HECW1: variants seen among roughly 807,000 people sequenced by gnomAD.
HECW1 encodes the protein E3 ubiquitin-protein ligase HECW1.
A neutral mutation model predicts 182.3 loss-of-function variants in HECW1; 61 were observed. The ratio of observed to expected loss-of-function variants is 0.33; its 90% confidence interval spans 0.27 to 0.41. HECW1 has a LOEUF of 0.41. HECW1 is among the 10% of genes least tolerant of loss of function. The pLI, the probability that HECW1 is intolerant of heterozygous loss-of-function variation, is 1.00. For synonymous variants in HECW1, 859 were observed against 832.6 expected, an observed-to-expected ratio of 1.03 and a Z score of -0.55; for missense variants, 1,739 against 2,108.9, an observed-to-expected ratio of 0.82 and a Z score of 3.44.
At chr7:43,500,850 C>G (rs933484179) in intron 20 of HECW1, 68 bp downstream of exon 20, 2 of 1,298,080 alleles carry the variant, frequency 1.5e-6, no homozygotes, top group African/African-American at 2.9e-5. Context: ...TCACGGCCAC[C>G]CTGAAAATGG....
At chr7:43,221,753 C>T (rs1796993914) in intron 2 of HECW1, among the ~76,000 whole-genome samples, 1 of 151,740 alleles carries the variant, frequency 6.6e-6, no homozygotes, top group African/African-American at 2.4e-5. Context: ...CAGGGTTTCA[C>T]CGTATTAGCC....
chr7:43,258,464 G>A (rs954580614), intron 3 of HECW1: 3 of 152,170 alleles, frequency 2.0e-5, no homozygotes, highest in Non-Finnish European at 4.4e-5. Flanking sequence ...TTCTAGTGTA[G>A]CGTGCCAATA....
At chr7:43,353,254 C>T (rs957879121) in intron 5 of HECW1, among the ~76,000 whole-genome samples, 2 of 152,002 alleles carry the variant, frequency 1.3e-5, no homozygotes, top group Non-Finnish European at 2.9e-5. Flanking sequence ...GATTTAATAT[C>T]CCTTTTCAGC....
At chr7:43,556,450 G>T (rs368367901) in intron 29 of HECW1, among the ~76,000 whole-genome samples, 4 of 152,320 alleles carry the variant, frequency 2.6e-5, no homozygotes, top group African/African-American at 9.6e-5. Flanking sequence ...ACTGTGGGAG[G>T]CTAAGGCAGG....
At chr7:43,437,055 A>G (rs568381522) in intron 8 of HECW1, among the ~76,000 whole-genome samples, 81 of 152,258 alleles carry the variant, frequency 5.3e-4, no homozygotes, top group Non-Finnish European at 9.9e-4. Context: ...TTAGAATCAA[A>G]TGAAGTAAAA....
intron 3 of HECW1, among the ~76,000 whole-genome samples, chr7:43,262,225 A>AAT (rs950920145): frequency 1.9e-4 from 27 of 142,336 alleles, no homozygotes; most frequent in African/African-American, 6.4e-4. Flanking sequence ...TGTCTCAAAA[A>AAT]ATATATATAT....
chr7:43,518,935 C>T (rs2080302747), intron 24 of HECW1, among the ~76,000 whole-genome samples: 1 of 152,066 alleles, frequency 6.6e-6, no homozygotes, highest in African/African-American at 2.4e-5. Flanking sequence ...ATTTTATAGC[C>T]TTTCAGGGGG....
At chr7:43,415,860 G>A (rs1361909596) in intron 8 of HECW1, among the ~76,000 whole-genome samples, 8 of 135,210 alleles carry the variant, frequency 5.9e-5, no homozygotes, top group Non-Finnish European at 1.3e-4. Flanking sequence ...TAGTTCTCGA[G>A]CCTTGGTTTT....
intron 5 of HECW1, among the ~76,000 whole-genome samples, chr7:43,351,678 C>CTTTTTTTTTTTTTTTTTT (rs200929407): frequency 1.2e-4 from 15 of 120,524 alleles, no homozygotes; most frequent in East Asian, 2.4e-4. Context: ...TTTCTTTCTT[C>CTTTTTTTTTTTTTTTTTT]TTTTTTTTTT....
At chr7:43,488,885 T>A (rs1206984784) in intron 17 of HECW1, among the ~76,000 whole-genome samples, 2 of 152,240 alleles carry the variant, frequency 1.3e-5, no homozygotes. Context: ...ACACTCATAT[T>A]AGGCATGAAG....
intron 2 of HECW1, among the ~76,000 whole-genome samples, chr7:43,220,101 T>A (rs1312896411): frequency 6.6e-6 from 1 of 152,234 alleles, no homozygotes; most frequent in Non-Finnish European, 1.5e-5. Context: ...ACTAGCTGGC[T>A]ACAAATTTAG....
chr7:43,208,698 G>A (rs958484611), intron 2 of HECW1, among the ~76,000 whole-genome samples: 18 of 152,338 alleles, frequency 1.2e-4, no homozygotes, highest in Middle Eastern at 3.4e-3. Flanking sequence ...TTAGGTCTAG[G>A]ACATGCTCCT....
chr7:43,331,688 AG>A (rs1811513561), intron 5 of HECW1, among the ~76,000 whole-genome samples: 1 of 152,136 alleles, frequency 6.6e-6, no homozygotes, highest in African/African-American at 2.4e-5. Context: ...TAGTGCTTAC[AG>A]GTATCAACGT....
At chr7:43,264,373 T>C (rs1184443341) in intron 3 of HECW1, among the ~76,000 whole-genome samples, 1 of 152,178 alleles carries the variant, frequency 6.6e-6, no homozygotes, top group Non-Finnish European at 1.5e-5. Context: ...GCTTAACATA[T>C]AACCTGAACA....
intron 8 of HECW1, among the ~76,000 whole-genome samples, chr7:43,434,079 C>A (rs1352535249): frequency 6.6e-6 from 1 of 152,084 alleles, no homozygotes; most frequent in Non-Finnish European, 1.5e-5. Context: ...ATATAGTTCA[C>A]AAATTTATCT....
At chr7:43,126,120 T>C (rs1786222278) in intron 2 of HECW1, among the ~76,000 whole-genome samples, 1 of 137,098 alleles carries the variant, frequency 7.3e-6, no homozygotes, top group African/African-American at 2.7e-5. Flanking sequence ...CTGACGAGGA[T>C]CACTTTCCTA....
intron 3 of HECW1, among the ~76,000 whole-genome samples, chr7:43,268,662 G>C (rs1378499043): frequency 6.6e-6 from 1 of 152,230 alleles, no homozygotes; most frequent in African/African-American, 2.4e-5. Context: ...CTGAGAGTCA[G>C]ATCCACATTT....
At chr7:43,191,850 T>C (rs558224765) in intron 2 of HECW1, among the ~76,000 whole-genome samples, 94 of 152,358 alleles carry the variant, frequency 6.2e-4, no homozygotes, top group Non-Finnish European at 1.1e-3. Flanking sequence ...GGAGGACTGA[T>C]GGAAAACACA....
intron 6 of HECW1, among the ~76,000 whole-genome samples, chr7:43,366,274 T>C (rs1304235161): frequency 6.6e-6 from 1 of 152,106 alleles, no homozygotes; most frequent in East Asian, 1.9e-4. Context: ...AAATTAGCAC[T>C]CTAAAATAGG....
Sources: gnomAD v4.1 joint callset for allele counts (sites outside exome capture counted in the v4.1 genomes callset) on GRCh38, gnomAD v4.1.1 for gene constraint, MANE v1.5 for transcripts, NCBI Gene and HGNC (gene_info 2026-07-23, HGNC 2026-07-21) for gene names.